The following BOC variants were observed in gnomAD, a reference collection of about 807,000 sequenced individuals.
The protein encoded by BOC is brother of CDO.
A neutral mutation model predicts 112.0 loss-of-function variants in BOC; 76 were observed. The observed-to-expected ratio is 0.68, with a 90% CI of 0.56 to 0.82. The LOEUF is 0.82. Ranked by LOEUF, BOC falls within the 40% of genes least tolerant of loss-of-function variation. The pLI is 0.00. For missense variants in BOC, 1,309 were observed against 1,511.7 expected (o/e 0.87, Z 2.22); for synonymous variants, 580 against 599.8 (o/e 0.97, Z 0.48).
chr3:113,229,188 C>G (rs1479690751), intron 2 of BOC, among the ~76,000 whole-genome samples: 1 of 152,208 alleles, frequency 6.6e-6, no homozygotes. Flanking sequence ...GAGCTAGAAG[C>G]TCACTGTTAA....
chr3:113,235,690 C>T (rs190516769), intron 2 of BOC, among the ~76,000 whole-genome samples: 1 of 152,242 alleles, frequency 6.6e-6, no homozygotes, highest in Non-Finnish European at 1.5e-5. Flanking sequence ...TACATCTTGC[C>T]ACAAACTTGG....
intron 9 of BOC, among the ~76,000 whole-genome samples, chr3:113,275,039 T>A (rs1948518697): frequency 6.6e-6 from 1 of 152,188 alleles, no homozygotes; most frequent in African/African-American, 2.4e-5. Context: ...CCTCTGTCGT[T>A]AGTTGTTGAT....
In BOC at chr3:113,278,939, T is replaced by A. The variant is rs893230584; in HGVS notation, c.1816+156T>A. 6 of 702,742 alleles carry A rather than the reference T, an allele frequency of 8.5e-6. No individual in the cohort carries two copies. The highest frequency in any genetic ancestry group is 5.6e-5 in the Admixed American group (2 of 35,934). The allele number at this position is 702,742 out of a possible 1,614,324, so 43.5% of individuals were successfully genotyped here. A position where few individuals can be genotyped will look rare whatever the true frequency, so the allele number is the denominator to read the frequency against. Reference sequence around the variant, plus strand: ...TGAGGAAATGTAGTTTGGAGCTTTTTAAATAAAAGGCTGGCATTGATGCTG... The same window carrying A: ...TGAGGAAATGTAGTTTGGAGCTTTTAAAATAAAAGGCTGGCATTGATGCTG... On this transcript the variant is annotated intron_variant, in intron 11 of 19. Transcript: ENST00000682979. This position sits in a 1 kb window ranked among gnomAD's most constrained non-coding sequence, Gnocchi z 4.2.
At chr3:113,262,513 T>G (rs899387768) in intron 4 of BOC, among the ~76,000 whole-genome samples, 2 of 152,244 alleles carry the variant, frequency 1.3e-5, no homozygotes, top group Non-Finnish European at 2.9e-5. Context: ...CTTTGTGGGC[T>G]GCAGGGGGTC....
In BOC at chr3:113,261,382, T is replaced by C. The variant is rs570279140; in HGVS notation, c.377-6917T>C. Among the ~76,000 whole-genome samples, 6 of 152,366 alleles carry C rather than the reference T, an allele frequency of 3.9e-5. No individual in the cohort carries two copies. The South Asian group carries it at 6.2e-4, about 16-fold the overall frequency. ...GGGTTGCTGGCAAGTAAATCTTTTT[T>C]TCCTTCTGCTCTTTCTTCAGTATAT... On this transcript the variant is annotated intron_variant, in intron 4 of 19. Transcript: ENST00000682979.
intron 4 of BOC, among the ~76,000 whole-genome samples, chr3:113,267,151 GTGTC>G (rs1440633084): frequency 6.6e-6 from 1 of 152,144 alleles, no homozygotes; most frequent in Admixed American, 6.5e-5. Flanking sequence ...TAAGAAGAGA[GTGTC>G]TGGGTAAAAT....
chr3:113,274,814 G>A lies in BOC; in HGVS notation c.1542+132G>A. On this transcript the variant is annotated intron_variant, in intron 9 of 19. Coordinates refer to ENST00000682979, the MANE Select transcript of BOC (RefSeq NM_001378074.1). The surrounding 1 kb of genome is among the most constrained non-coding windows in gnomAD (Gnocchi z 4.8). ...GCCGGTAATCCCCACCACTAAACAG[G>A]CCCTTCTGTCTCCTCCAGTGTCCAT... 1.1e-6 allele frequency: 1 copy of A among 933,848 alleles called. No homozygotes were observed. The highest frequency in any genetic ancestry group is 3.0e-5 in the Admixed American group (1 of 33,730). The allele number at this position is 933,848 out of a possible 1,614,324, so 57.8% of individuals were successfully genotyped here.
chr3:113,227,172 GA>G (rs1365350882), intron 2 of BOC, among the ~76,000 whole-genome samples: 1 of 152,138 alleles, frequency 6.6e-6, no homozygotes, highest in Non-Finnish European at 1.5e-5. Context: ...CATATTCTTG[GA>G]GAATTTGTCT....
At chr3:113,240,780 C>T (rs1028151618) in intron 2 of BOC, among the ~76,000 whole-genome samples, 9 of 152,172 alleles carry the variant, frequency 5.9e-5, no homozygotes, top group African/African-American at 2.2e-4. Context: ...TGTTTCCTTC[C>T]TACATTCCCT....
At chr3:113,215,663 T>C (rs557503009) in intron 1 of BOC, among the ~76,000 whole-genome samples, 1 of 152,336 alleles carries the variant, frequency 6.6e-6, no homozygotes, top group Non-Finnish European at 1.5e-5. Flanking sequence ...TATAATCAAG[T>C]CACCACCCAG....
Position 113,267,788 on chromosome 3 carries a change from C to T in BOC, c.377-511C>T, listed in dbSNP as rs541955722. ...TTTCGCCCAGGCCAGCGTGCAGTGG[C>T]GCGATCTCGGCTCACTGCAAGCTCT... On this transcript the variant is annotated intron_variant, in intron 4 of 19. Coordinates refer to ENST00000682979, the MANE Select transcript of BOC (RefSeq NM_001378074.1). 2.6e-5 allele frequency among the ~76,000 whole-genome samples: 4 copies of T among 152,270 alleles called. No individual in the cohort carries two copies. The South Asian group carries it at 6.2e-4, about 24-fold the overall frequency.
rs1282837585 is a variant in BOC at position 113,278,168 on chromosome 3, G to C, written c.1616G>C (p.Arg539Thr). The C allele has an allele frequency of 3.1e-6, 5 of 1,614,228 alleles. No homozygotes were observed. The highest frequency in any genetic ancestry group is 3.3e-4 in the Middle Eastern group (2 of 6,062). Residue 539 changes from arginine to threonine, a missense_variant, in exon 10 of 20, where the codon AGA (arginine) becomes ACA (threonine). By Grantham distance (71) the Arg-to-Thr change is moderately conservative. Coordinates refer to ENST00000682979, the MANE Select transcript of BOC (RefSeq NM_001378074.1). The surrounding 1 kb of genome is among the most constrained non-coding windows in gnomAD (Gnocchi z 4.2). ...PANQHRLTLT[R>T]LDPGSLYEVE... ...AACCAGCACCGCCTGACCCTCACCA[G>C]ACTTGACCCCGGGAGCTTGTATGAA...
chr3:113,268,291 C>T lies in BOC; in HGVS notation c.377-8C>T. 1.2e-6 allele frequency: 2 copies of T among 1,614,016 alleles called. No homozygotes were observed. The highest frequency in any genetic ancestry group is 1.7e-6 in the Non-Finnish European group (2 of 1,179,972). On this transcript the variant is annotated splice_region_variant and splice_polypyrimidine_tract_variant and intron_variant, in intron 4 of 19. Transcript: ENST00000682979. The stretch of plus-strand genomic sequence containing the variant: ...TCCTCCAACCAGCACCTTCCCTTCT[C>T]TTCACAGATCTCCAGGACTTCAAGT...
At chr3:113,284,732 T>C (rs1189944943) in intron 17 of BOC, 50 bp from the exon 18 acceptor site, 1 of 1,575,898 alleles carries the variant, frequency 6.3e-7, no homozygotes, top group Non-Finnish European at 8.7e-7. Context: ...GACTGGAAAG[T>C]TACCTGGACT....
chr3:113,229,311 C>G (rs1942211988), intron 2 of BOC, among the ~76,000 whole-genome samples: 1 of 152,202 alleles, frequency 6.6e-6, no homozygotes, highest in South Asian at 2.1e-4. Flanking sequence ...TGATCTGAGT[C>G]CCTGGAAGCT....
At chr3:113,264,322 T>A (rs562931253) in intron 4 of BOC, among the ~76,000 whole-genome samples, 68 of 152,270 alleles carry the variant, frequency 4.5e-4, no homozygotes, top group African/African-American at 1.4e-3. Context: ...GTAAGAGGAT[T>A]AAAGCTGCAA....
At position 113,287,245 on chromosome 3, in the gene BOC, C is replaced by A; in HGVS notation, c.*383C>A. ...ACGAGCATGAGGGAACAGCAAGGGG[C>A]ACGGTATCACAGCCTGGAGACACCC... On this transcript the variant is annotated 3_prime_UTR_variant, in exon 20 of 20. Transcript: ENST00000682979. 2 of 352,978 alleles carry A rather than the reference C, an allele frequency of 5.7e-6. No homozygotes were observed. The highest frequency in any genetic ancestry group is 1.1e-5 in the Non-Finnish European group (2 of 181,386). The allele number at this position is 352,978 out of a possible 1,614,324, so 21.9% of individuals were successfully genotyped here. A position where few individuals can be genotyped will look rare whatever the true frequency, so the allele number is the denominator to read the frequency against.
intron 2 of BOC, 32 bp from the exon 3 acceptor site, chr3:113,249,690 G>A: frequency 1.2e-6 from 1 of 838,042 alleles, no homozygotes; most frequent in South Asian, 1.9e-5. Flanking sequence ...TCCTCATCAT[G>A]GCCATTGCTC....
intron 4 of BOC, among the ~76,000 whole-genome samples, chr3:113,253,273 T>C (rs1945852570): frequency 6.6e-6 from 1 of 152,168 alleles, no homozygotes; most frequent in Admixed American, 6.5e-5. Flanking sequence ...GAGTATAAAA[T>C]GCATACCAGG....
Sources: allele counts gnomAD v4.1 joint callset (sites outside exome capture counted in the v4.1 genomes callset), GRCh38; gene constraint gnomAD v4.1.1; non-coding constraint Gnocchi (gnomAD v3.1); transcripts MANE v1.5; gene names NCBI Gene and HGNC (gene_info 2026-07-23, HGNC 2026-07-21).